The following IGF2R variants were observed in gnomAD, a reference collection of about 807,000 sequenced individuals.
IGF2R encodes the protein insulin like growth factor 2 receptor, also known as cation-independent mannose-6-phosphate receptor.
Under a neutral mutation model 270.6 loss-of-function variants are expected in IGF2R, and 91 were observed. The observed-to-expected ratio is 0.34, with a 90% CI of 0.28 to 0.40. IGF2R has a LOEUF of 0.40. Ranked by LOEUF, IGF2R falls within the 10% of genes least tolerant of loss-of-function variation. The pLI is 1.00. For synonymous variants in IGF2R, 1,316 were observed against 1,258.9 expected (o/e 1.05, Z -0.96); for missense variants, 2,805 against 3,188.3 (o/e 0.88, Z 2.90).
At chr6:160,072,996 C>T (rs573641589) in intron 33 of IGF2R, 112 bp downstream of exon 33, 37 of 1,461,612 alleles carry the variant, frequency 2.5e-5, no homozygotes, top group Admixed American at 8.7e-5. Flanking sequence ...GAAGCTGAGA[C>T]GCTTTTGTCT....
Position 160,032,946 on chromosome 6 carries a change from A to G in IGF2R, c.1050A>G (p.Ser350=), listed in dbSNP as rs1570070. Residue 350 remains serine (S), a synonymous_variant, in exon 9 of 48, where the codon TCA becomes TCG. Coordinates refer to ENST00000356956, the MANE Select transcript of IGF2R (RefSeq NM_000876.4). ...TGTTAATTTCCCTGTTTTTAGGTTC[A>G]TCCTATATTTCAGATGGAAAAGAAT... ...DLTPLAQSGG[S]SYISDGKEYL... 0.34 allele frequency: 543,214 copies of G among 1,577,878 alleles called. 99,156 individuals carry two copies. Among genetic ancestry groups the G allele is most frequent in the East Asian group, 0.74 (33,091 of 44,624 alleles).
At chr6:160,030,197 GACTT>G (rs1340327277) in intron 7 of IGF2R, among the ~76,000 whole-genome samples, 2 of 152,172 alleles carry the variant, frequency 1.3e-5, no homozygotes, top group Non-Finnish European at 2.9e-5. Context: ...TGGCTGCTGA[GACTT>G]ACTTGTCCTT....
chr6:160,032,042 G>A (rs958176654), intron 7 of IGF2R, among the ~76,000 whole-genome samples: 2 of 152,214 alleles, frequency 1.3e-5, no homozygotes, highest in Non-Finnish European at 2.9e-5. Context: ...AGATATGGTG[G>A]TGCCCAGGAT....
intron 23 of IGF2R, among the ~76,000 whole-genome samples, chr6:160,061,115 T>A (rs1454345342): frequency 1.3e-5 from 2 of 152,180 alleles, no homozygotes; most frequent in Non-Finnish European, 2.9e-5. Flanking sequence ...CCTTGACCTC[T>A]GGGATTGACC....
chr6:159,987,618 C>A (rs1222240892), intron 1 of IGF2R, among the ~76,000 whole-genome samples: 1 of 152,148 alleles, frequency 6.6e-6, no homozygotes, highest in African/African-American at 2.4e-5. Context: ...TCTTGATCTC[C>A]TGACCTCGTG....
chr6:159,969,909 T>TC (rs372717848), intron 1 of IGF2R, among the ~76,000 whole-genome samples: 1 of 152,000 alleles, frequency 6.6e-6, no homozygotes, highest in Non-Finnish European at 1.5e-5. Context: ...CTGATTGATT[T>TC]CCCCCCGTGG....
intron 33 of IGF2R, 127 bp from the exon 34 acceptor site, chr6:160,073,086 G>A (rs142884365): frequency 1.3e-5 from 18 of 1,408,088 alleles, no homozygotes; most frequent in Middle Eastern, 2.0e-4. Context: ...GGTTAAAGCC[G>A]GATTGGACAC....
intron 6 of IGF2R, among the ~76,000 whole-genome samples, chr6:160,028,160 G>A (rs939541534): frequency 4.6e-5 from 7 of 152,234 alleles, no homozygotes; most frequent in African/African-American, 1.4e-4. Flanking sequence ...CATGTCTGAA[G>A]AAGGCGTCAC....
chr6:160,034,553 CTT>C (rs1562351238), intron 10 of IGF2R, 31 bp downstream of exon 10: 3 of 1,383,706 alleles, frequency 2.2e-6, no homozygotes, highest in Non-Finnish European at 3.1e-6. Flanking sequence ...AGCCCCTCCT[CTT>C]TGCATTCATG....
intron 18 of IGF2R, among the ~76,000 whole-genome samples, chr6:160,049,654 A>G (rs998336732): frequency 2.0e-5 from 3 of 152,206 alleles, no homozygotes; most frequent in African/African-American, 7.2e-5. Context: ...AAGCCTTTTC[A>G]AACATGACTT....
At chr6:160,090,955 G>C in intron 44 of IGF2R, among the ~76,000 whole-genome samples, 1 of 148,926 alleles carries the variant, frequency 6.7e-6, no homozygotes, top group Non-Finnish European at 1.5e-5. Flanking sequence ...GCATCGCCGA[G>C]AAGGAGCGGG....
chr6:160,040,711 G>A lies in IGF2R; in HGVS notation c.1467G>A (p.Leu489=). The A allele has an allele frequency of 1.2e-6, 2 of 1,613,520 alleles. No homozygotes were observed. Among genetic ancestry groups the A allele is most frequent in the South Asian group, 2.2e-5 (2 of 91,024 alleles). ...AGAAGCGCTATGACCTGTCCGCGCT[G>A]GTCCGCCATGCAGGTACTGCCCTCC... is the stretch of plus-strand genomic sequence containing the variant. ...DGKKRYDLSA[L]VRHAEPEQNW... The change falls in exon 11 of 48, where the codon CTG becomes CTA. Residue 489 remains leucine, a synonymous_variant. Transcript: ENST00000356956.
In IGF2R at chr6:160,103,743, T is replaced by C. The variant is rs759518965; in HGVS notation, c.6996-3T>C. The C allele has an allele frequency of 1.1e-5, 18 of 1,603,426 alleles. No homozygotes were observed. Among genetic ancestry groups the C allele is most frequent in the Non-Finnish European group, 1.4e-5 (16 of 1,170,352 alleles). On this transcript the variant is annotated splice_region_variant and splice_polypyrimidine_tract_variant and intron_variant, in intron 46 of 47. Coordinates refer to ENST00000356956, the MANE Select transcript of IGF2R (RefSeq NM_000876.4). ...GTAATTATTGTCTCCTTTTTTTTTA[T>C]AGGGAAACAGTGATAAGTAAGCTGA...
intron 31 of IGF2R, among the ~76,000 whole-genome samples, chr6:160,071,118 A>G (rs75491267): frequency 3.9e-5 from 5 of 129,178 alleles, no homozygotes; most frequent in East Asian, 4.9e-4. Context: ...GGAGGGAAGG[A>G]TGAGGGTGGT....
At position 160,024,686 on chromosome 6, in the gene IGF2R, A is replaced by G. The variant is rs1160130644; in HGVS notation, c.628A>G (p.Asn210Asp). The change falls in exon 5 of 48, where the codon AAT (asparagine) becomes GAT (aspartate). Residue 210 changes from asparagine to aspartate, a missense_variant. Transcript: ENST00000356956. Reference sequence around the variant, plus strand: ...CGATCCGGACACTTCTCTATTCATCAATGTTTGTAGAGACATAGGTATGAA... The same window carrying G: ...CGATCCGGACACTTCTCTATTCATCGATGTTTGTAGAGACATAGGTATGAA... Reference protein sequence around the residue: ...DSDPDTSLFINVCRDIDTLRD... With the variant: ...DSDPDTSLFIDVCRDIDTLRD... 6.2e-7 allele frequency: 1 copy of G among 1,614,046 alleles called. No homozygotes were observed. Among genetic ancestry groups the G allele is most frequent in the Admixed American group, 1.7e-5 (1 of 60,024 alleles).
In IGF2R at chr6:160,058,056, G is replaced by A; in HGVS notation, c.2830G>A (p.Val944Met). 6.2e-7 allele frequency: 1 copy of A among 1,613,794 alleles called. No homozygotes were observed. Among genetic ancestry groups the A allele is most frequent in the Non-Finnish European group, 8.5e-7 (1 of 1,179,688 alleles). Residue 944 changes from valine (V) to methionine (M), a missense_variant, in exon 21 of 48, where the codon GTG becomes ATG. By Grantham distance (21) the Val-to-Met change is conservative. This residue lies in a region of IGF2R where 1,851 missense variants were observed against 2,207.2 expected (regional missense o/e 0.84). Coordinates refer to ENST00000356956, the MANE Select transcript of IGF2R (RefSeq NM_000876.4). ...TATAAGGGATCCCAACAGTGGATTT[G>A]TGTTTAATCTTAATCCGCTAAACAG... Reference protein sequence around the residue: ...CSIRDPNSGFVFNLNPLNSSQ... With the variant: ...CSIRDPNSGFMFNLNPLNSSQ...
chr6:160,048,878 A>T (rs1778129995), intron 18 of IGF2R, among the ~76,000 whole-genome samples: 3 of 152,220 alleles, frequency 2.0e-5, no homozygotes, highest in Admixed American at 1.3e-4. Context: ...TTTTGCTTCC[A>T]AAAGCTCTTG....
chr6:160,082,851 G>A (rs1437516673), intron 39 of IGF2R, among the ~76,000 whole-genome samples: 2 of 152,218 alleles, frequency 1.3e-5, no homozygotes, highest in East Asian at 1.9e-4. Context: ...CATGGGGAAG[G>A]CGTGCAGGAA....
At chr6:160,044,449 C>CT in intron 12 of IGF2R, 65 bp from the exon 13 acceptor site, 2 of 1,232,438 alleles carry the variant, frequency 1.6e-6, no homozygotes, top group Non-Finnish European at 2.3e-6. Flanking sequence ...TTTTAAGTCA[C>CT]TTCTTTGTCT....
Sources: gnomAD v4.1 joint callset for allele counts (sites outside exome capture counted in the v4.1 genomes callset) on GRCh38, gnomAD v4.1.1 for gene constraint, gnomAD v4.1.1 regional missense constraint, MANE v1.5 for transcripts, NCBI Gene and HGNC (gene_info 2026-07-23, HGNC 2026-07-21) for gene names.